The following SLC15A3 variants were observed in gnomAD, a reference collection of about 807,000 sequenced individuals.
SLC15A3 encodes the protein osteoclast transporter.
Under a neutral mutation model 49.2 loss-of-function variants are expected in SLC15A3, and 39 were observed. The observed-to-expected ratio is 0.79, with a 90% confidence interval of 0.61 to 1.04. The LOEUF (loss-of-function observed/expected upper bound fraction) is 1.04, where lower values mean the gene tolerates loss of function less well. Ranked by LOEUF, SLC15A3 falls within the 50% of genes least tolerant of loss-of-function variation. The probability of loss-of-function intolerance (pLI) is 0.00; values close to 1 mark genes in which losing one functional copy is unlikely to be tolerated. For missense variants in SLC15A3, 758 were observed against 794.8 expected (o/e 0.95, Z 0.56); for synonymous variants, 339 against 367.0 (o/e 0.92, Z 0.87).
chr11:60,946,526 CCTT>C lies in SLC15A3; in HGVS notation c.848+3_848+5del. On this transcript the variant is annotated splice_donor_5th_base_variant and intron_variant, in intron 2 of 7. Transcript: ENST00000227880. ...GAGGCTCCCTGCACCCAGAGCCCCTCCTTACCTGGCCGAGTGTCGTTGCCACAG... is the reference window on the plus strand; with the variant it reads ...GAGGCTCCCTGCACCCAGAGCCCCTCACCTGGCCGAGTGTCGTTGCCACAG... The C allele has an allele frequency of 6.4e-7, 1 of 1,550,952 alleles. No individual in the cohort carries two copies. Among genetic ancestry groups the C allele is most frequent in the Non-Finnish European group, 8.7e-7 (1 of 1,145,944 alleles).
At chr11:60,937,450 C>T (rs938509037) in intron 7 of SLC15A3, 77 bp from the exon 8 acceptor site, 8 of 1,587,610 alleles carry the variant, frequency 5.0e-6, no homozygotes, top group South Asian at 1.1e-5. Context: ...GTGTCCTAGC[C>T]CTGGGGCTGG....
rs1856628276 is a variant in SLC15A3 at position 60,937,202 on chromosome 11, G to A, written c.*17C>T. 6.2e-7 allele frequency: 1 copy of A among 1,607,028 alleles called. No homozygotes were observed. Among genetic ancestry groups the A allele is most frequent in the African/African-American group, 1.3e-5 (1 of 74,784 alleles). The stretch of plus-strand genomic sequence containing the variant: ...CTGTCCGGTAGAGTGAAGCAAGGGG[G>A]CTGGAATAGGGCCTGTTCAGCCCCT... On this transcript the variant is annotated 3_prime_UTR_variant, in exon 8 of 8. Coordinates refer to ENST00000227880, the MANE Select transcript of SLC15A3 (RefSeq NM_016582.3).
At chr11:60,941,082 GC>G (rs1856700880) in intron 5 of SLC15A3, 39 bp downstream of exon 5, 1 of 1,572,238 alleles carries the variant, frequency 6.4e-7, no homozygotes, top group Non-Finnish European at 8.7e-7. Context: ...ACTTCCCCAA[GC>G]CCAAAGTTCA....
intron 6 of SLC15A3, chr11:60,938,269 C>G (rs915252390): frequency 1.0e-5 from 5 of 476,620 alleles, no homozygotes; most frequent in Non-Finnish European, 1.5e-5. Context: ...CCCAATAGCT[C>G]TGTCTCCCCT....
Position 60,938,180 on chromosome 11 carries a change from G to A in SLC15A3, c.1436-155C>T, listed in dbSNP as rs115420384. 1,059 of 886,810 alleles carry A rather than the reference G, an allele frequency of 1.2e-3. 9 individuals carry two copies. In the African/African-American group the frequency reaches 0.013, roughly 11 times the overall value. The allele number at this position is 886,810 out of a possible 1,614,324, so 54.9% of individuals were successfully genotyped here. On this transcript the variant is annotated intron_variant, in intron 6 of 7. Transcript: ENST00000227880. ...ACTCAGTGGCAATGACAGCACCCAT[G>A]CATCAATGCCGCCTTCCCCTCTGCC...
intron 1 of SLC15A3, among the ~76,000 whole-genome samples, chr11:60,949,547 A>AGAAG (rs1856871724): frequency 1.3e-5 from 1 of 78,210 alleles, no homozygotes; most frequent in Admixed American, 1.7e-4. Context: ...AAAGAAAGAA[A>AGAAG]GAAAGAAAGA....
Position 60,941,225 on chromosome 11 carries a change from G to A in SLC15A3, c.1173C>T (p.Asp391=), listed in dbSNP as rs963928778. Residue 391 remains aspartate (D), a synonymous_variant, in exon 5 of 8, where the codon GAC becomes GAT. Transcript: ENST00000227880. ...VVVLILVPLK[D]RLIDPLLLRC... is the part of the protein sequence containing the mutation. ...GCAGCAGTAAAGGGTCGATCAAGCG[G>A]TCCTTCAGAGGGACCAGAATCAGCA... 2 of 1,614,046 alleles carry A rather than the reference G, an allele frequency of 1.2e-6. No individual in the cohort carries two copies. Among genetic ancestry groups the A allele is most frequent in the Non-Finnish European group, 1.7e-6 (2 of 1,180,030 alleles).
chr11:60,937,834 A>C, intron 7 of SLC15A3, 36 bp downstream of exon 7: 1 of 1,601,570 alleles, frequency 6.2e-7, no homozygotes, highest in Non-Finnish European at 8.5e-7. Flanking sequence ...GCCTCCCTCC[A>C]TCCATGTCCC....
Position 60,942,125 on chromosome 11 carries a change from C to G in SLC15A3, c.1017G>C (p.Leu339=). ...TTGGGATGTGGAGGTGAAGACCCTGCAGGACATAGGTGGACTGCATCTGCC... is the reference window on the plus strand; with the variant it reads ...TTGGGATGTGGAGGTGAAGACCCTGGAGGACATAGGTGGACTGCATCTGCC... ...VYFQMQSTYV[L]QGLHLHIPNI... is the part of the protein sequence containing the mutation. Residue 339 remains leucine (L), a synonymous_variant, in exon 4 of 8, where the codon CTG becomes CTC. Transcript: ENST00000227880. 1.2e-6 allele frequency: 2 copies of G among 1,613,936 alleles called. No individual in the cohort carries two copies. The highest frequency in any genetic ancestry group is 1.7e-6 in the Non-Finnish European group (2 of 1,179,864).
chr11:60,943,113 C>A (rs1030636304), intron 3 of SLC15A3: 4 of 152,228 alleles, frequency 2.6e-5, no homozygotes, highest in African/African-American at 9.6e-5. Flanking sequence ...AATTCTGATT[C>A]AATAGCCTGT....
At chr11:60,944,194 A>G (rs1856768636) in intron 2 of SLC15A3, among the ~76,000 whole-genome samples, 1 of 152,028 alleles carries the variant, frequency 6.6e-6, no homozygotes, top group South Asian at 2.1e-4. Context: ...AGCAGCCATA[A>G]TCTTCCCCAC....
intron 1 of SLC15A3, 127 bp downstream of exon 1, chr11:60,950,867 C>G (rs560683128): frequency 3.9e-6 from 4 of 1,015,480 alleles, no homozygotes; most frequent in Admixed American, 4.0e-5. Flanking sequence ...GGCTAGCCCC[C>G]CTCTTCTTTC....
At chr11:60,948,937 T>C (rs1590643701) in intron 1 of SLC15A3, among the ~76,000 whole-genome samples, 1 of 152,140 alleles carries the variant, frequency 6.6e-6, no homozygotes, top group African/African-American at 2.4e-5. Context: ...TTGGGGGTGC[T>C]AGTGGGATGT....
chr11:60,937,578 G>A, intron 7 of SLC15A3: 2 of 757,768 alleles, frequency 2.6e-6, no homozygotes, highest in Non-Finnish European at 4.4e-6. Context: ...TATTCAGAAG[G>A]GGGCGTGAAA....
chr11:60,941,305 G>T lies in SLC15A3; in HGVS notation c.1108-15C>A. On this transcript the variant is annotated splice_polypyrimidine_tract_variant and intron_variant, in intron 4 of 7. Transcript: ENST00000227880. ...GCTTCCGGGATCTGGGCAGGAGGAA[G>T]TCAGGAGAGGCAGGCTAGCAGAGTG... The T allele has an allele frequency of 1.2e-6, 2 of 1,610,350 alleles. No individual in the cohort carries two copies. The highest frequency in any genetic ancestry group is 2.2e-5 in the South Asian group (2 of 90,224).
rs778595544 is a variant in SLC15A3 at position 60,939,676 on chromosome 11, C to T, written c.1277-38G>A. 6 of 1,606,694 alleles carry T rather than the reference C, an allele frequency of 3.7e-6. No homozygotes were observed. In the African/African-American group the frequency reaches 4.0e-5, roughly 11 times the overall value. ...CAGAGGGGGATTATAGTCAGGCCCACCCCAGGCAGCTTAGCCCACAGAAGA... is the reference window on the plus strand; with the variant it reads ...CAGAGGGGGATTATAGTCAGGCCCATCCCAGGCAGCTTAGCCCACAGAAGA... On this transcript the variant is annotated intron_variant, in intron 5 of 7. Transcript: ENST00000227880.
chr11:60,941,790 G>C, intron 4 of SLC15A3: 1 of 490,206 alleles, frequency 2.0e-6, no homozygotes, highest in Non-Finnish European at 3.7e-6. Flanking sequence ...TAGGCAGCGA[G>C]ACCTGCTTCA....
intron 2 of SLC15A3, among the ~76,000 whole-genome samples, chr11:60,945,584 T>C (rs1431517231): frequency 6.6e-6 from 1 of 152,226 alleles, no homozygotes; most frequent in Admixed American, 6.5e-5. Context: ...CTTCACCTTT[T>C]TCATTTAGAT....
chr11:60,946,890 C>T, intron 1 of SLC15A3, 69 bp from the exon 2 acceptor site: 1 of 1,512,008 alleles, frequency 6.6e-7, no homozygotes, highest in African/African-American at 1.4e-5. Context: ...CCATACCCCT[C>T]CCTCCTACAG....
Sources: allele counts gnomAD v4.1 joint callset (sites outside exome capture counted in the v4.1 genomes callset), GRCh38; gene constraint gnomAD v4.1.1; transcripts MANE v1.5; gene names NCBI Gene and HGNC (gene_info 2026-07-23, HGNC 2026-07-21).